HNRNPUL2: variants seen among roughly 807,000 people sequenced by gnomAD.
The protein encoded by HNRNPUL2 is heterogeneous nuclear ribonucleoprotein U like 2.
In HNRNPUL2, 27 loss-of-function variants were observed where a neutral mutation model predicts 102.2. The ratio of observed to expected loss-of-function variants is 0.26; its 90% confidence interval spans 0.19 to 0.36. The LOEUF (loss-of-function observed/expected upper bound fraction) is 0.36. HNRNPUL2 is among the 10% of genes least tolerant of loss of function. The pLI is 1.00. For synonymous variants in HNRNPUL2, 458 were observed against 387.2 expected, an observed-to-expected ratio of 1.18 and a Z score of -2.15; for missense variants, 936 against 981.1, an observed-to-expected ratio of 0.95 and a Z score of 0.61.
In HNRNPUL2 at chr11:62,726,822, T is replaced by A. The variant is rs2083754487; in HGVS notation, c.335A>T (p.Glu112Val). The A allele has an allele frequency of 6.3e-7, 1 of 1,591,792 alleles. No individual in the cohort carries two copies. Residue 112 changes from glutamate to valine, a missense_variant, in exon 1 of 14, where the codon GAG becomes GTG. Glu to Val is a moderately radical substitution (Grantham distance 121, BLOSUM62 -2). Around this residue, in one of 2 missense-constraint regions of HNRNPUL2, gnomAD observed 327 missense variants for 268.1 expected, o/e 1.22. Coordinates refer to ENST00000301785, the MANE Select transcript of HNRNPUL2 (RefSeq NM_001079559.3). Reference sequence around the variant, plus strand: ...CTCCATGGCTGCCGCCTCCGGGGGCTCCGGCGGCGGCTGCGCGGCCTGACC... The same window carrying A: ...CTCCATGGCTGCCGCCTCCGGGGGCACCGGCGGCGGCTGCGCGGCCTGACC... ...ALGQAAQPPP[E>V]PPEAAAMEAA...
intron 2 of HNRNPUL2, 68 bp from the exon 3 acceptor site, chr11:62,724,058 A>G: frequency 2.3e-6 from 3 of 1,320,132 alleles, no homozygotes; most frequent in Non-Finnish European, 3.3e-6. Context: ...GTGTGTGTGT[A>G]TGACATTATG....
chr11:62,722,821 G>C lies in HNRNPUL2; in HGVS notation c.974C>G (p.Pro325Arg). ...TAAAGAAATAACTTTACCAAGCTGTGGACGGGAAAAATCAACAGACCACCC... is the reference window on the plus strand; with the variant it reads ...TAAAGAAATAACTTTACCAAGCTGTCGACGGGAAAAATCAACAGACCACCC... ...RVGWSVDFSR[P>R]QLGEDEFSYG... Residue 325 changes from proline (P) to arginine (R), a missense_variant, in exon 5 of 14, where the codon CCA (proline) becomes CGA (arginine). Physicochemically the swap from Pro to Arg is moderately radical, Grantham distance 103. Transcript: ENST00000301785. 1 of 1,613,920 alleles carries C rather than the reference G, an allele frequency of 6.2e-7. No homozygotes were observed. Among genetic ancestry groups the C allele is most frequent in the Non-Finnish European group, 8.5e-7 (1 of 1,179,824 alleles).
Position 62,715,220 on chromosome 11 carries a change from C to G in HNRNPUL2, c.*79G>C. The G allele has an allele frequency of 1.7e-6, 1 of 581,570 alleles. No homozygotes were observed. The highest frequency in any genetic ancestry group is 2.7e-6 in the Non-Finnish European group (1 of 367,904). The allele number at this position is 581,570 out of a possible 1,614,324, so 36.0% of individuals were successfully genotyped here. ...GCCCCACCCCGACAGCCCCTGTTTT[C>G]CTTGGTTGTGTTTTGCGGGGGTGCC... is the stretch of plus-strand genomic sequence containing the variant. On this transcript the variant is annotated 3_prime_UTR_variant, in exon 14 of 14. Transcript: ENST00000301785.
chr11:62,715,849 G>T lies in HNRNPUL2; in HGVS notation c.2055+15C>A, dbSNP rs994746315. On this transcript the variant is annotated intron_variant, in intron 12 of 13. Transcript: ENST00000301785. ...CACAGCCCAGAGTGAGGAGCAGAAG[G>T]AGAGCTGCACTCACCCCTCTGTTTC... 6 of 1,611,454 alleles carry T rather than the reference G, an allele frequency of 3.7e-6. No individual in the cohort carries two copies. Among genetic ancestry groups the T allele is most frequent in the Non-Finnish European group, 4.2e-6 (5 of 1,177,810 alleles).
intron 1 of HNRNPUL2, among the ~76,000 whole-genome samples, chr11:62,724,753 G>A (rs898086350): frequency 1.3e-5 from 2 of 152,002 alleles, no homozygotes; most frequent in African/African-American, 4.8e-5. Flanking sequence ...ATATCCTCTA[G>A]GTCTCTAAGA....
At chr11:62,719,007 T>C (rs2083680982) in intron 10 of HNRNPUL2, among the ~76,000 whole-genome samples, 2 of 152,180 alleles carry the variant, frequency 1.3e-5, no homozygotes, top group South Asian at 4.1e-4. Flanking sequence ...TTTGTATTTT[T>C]AGTAGAGACA....
Position 62,727,331 on chromosome 11 carries a change from G to T in HNRNPUL2, c.-175C>A. 1.3e-6 allele frequency: 1 copy of T among 796,842 alleles called. No homozygotes were observed. Among genetic ancestry groups the T allele is most frequent in the Non-Finnish European group, 1.7e-6 (1 of 601,144 alleles). The allele number at this position is 796,842 out of a possible 1,614,324, so 49.4% of individuals were successfully genotyped here. ...AGGCCGCGCACGGTCCCGCTGCGCA[G>T]TGTTTGCTTCTCCTTCGTCTCCCCT... On this transcript the variant is annotated 5_prime_UTR_variant, in exon 1 of 14. In the 5' UTR this introduces an upstream ATG that the reference lacks. Coordinates refer to ENST00000301785, the MANE Select transcript of HNRNPUL2 (RefSeq NM_001079559.3).
At chr11:62,715,959 C>A (rs917764300) in intron 11 of HNRNPUL2, 22 bp from the exon 12 acceptor site, 1 of 1,563,524 alleles carries the variant, frequency 6.4e-7, no homozygotes, top group African/African-American at 1.4e-5. Flanking sequence ...ATGGAGAGCG[C>A]GCTCAGACAG....
Position 62,722,166 on chromosome 11 carries a change from T to C in HNRNPUL2, c.1310A>G (p.Glu437Gly). 1 of 1,614,128 alleles carries C rather than the reference T, an allele frequency of 6.2e-7. No homozygotes were observed. Among genetic ancestry groups the C allele is most frequent in the Non-Finnish European group, 8.5e-7 (1 of 1,180,026 alleles). The change falls in exon 7 of 14, where the codon GAG (glutamate) becomes GGG (glycine). Residue 437 changes from glutamate to glycine, a missense_variant. Physicochemically the swap from Glu to Gly is moderately conservative, Grantham distance 98. This residue lies in a region of HNRNPUL2 where 609 missense variants were observed against 713.0 expected (regional missense o/e 0.85). Coordinates refer to ENST00000301785, the MANE Select transcript of HNRNPUL2 (RefSeq NM_001079559.3). ...EFVFIHAVPV[E>G]ERVRTAVPPK... The stretch of plus-strand genomic sequence containing the variant: ...AGGGACTGCAGTGCGTACACGCTCC[T>C]CAACAGGCACAGCATGAATGAACAC...
intron 10 of HNRNPUL2, 104 bp downstream of exon 10, chr11:62,719,919 G>A (rs762784072): frequency 2.6e-5 from 28 of 1,096,172 alleles, no homozygotes; most frequent in Middle Eastern, 2.1e-4. Flanking sequence ...TATGCTCTTG[G>A]ACTTCCTAGC....
rs1174226379 is a variant in HNRNPUL2 at position 62,715,894 on chromosome 11, C to T, written c.2025G>A (p.Gln675=). Residue 675 remains glutamine (Q), a synonymous_variant, in exon 12 of 14, where the codon CAG becomes CAA. Coordinates refer to ENST00000301785, the MANE Select transcript of HNRNPUL2 (RefSeq NM_001079559.3). ...TGTTTCCAGGCTGCCCCCAGTACTG[C>T]TGCCCGTAGGCCCGGTTGTCGTAGC... The part of the protein sequence containing the change: ...RRGYDNRAYG[Q]QYWGQPGNRG... 5.6e-6 allele frequency: 9 copies of T among 1,613,306 alleles called. No individual in the cohort carries two copies. In the African/African-American group the frequency reaches 6.7e-5, roughly 12 times the overall value.
At chr11:62,723,523 C>G in intron 4 of HNRNPUL2, 64 bp downstream of exon 4, 1 of 1,459,106 alleles carries the variant, frequency 6.9e-7, no homozygotes, top group Non-Finnish European at 9.2e-7. Flanking sequence ...TTCTTTTCCC[C>G]CTCTAAGAAC....
rs1309767483 is a variant in HNRNPUL2 at position 62,723,629 on chromosome 11, A to G, written c.849T>C (p.Ser283=). 6.2e-7 allele frequency: 1 copy of G among 1,613,930 alleles called. No individual in the cohort carries two copies. Among genetic ancestry groups the G allele is most frequent in the Non-Finnish European group, 8.5e-7 (1 of 1,179,914 alleles). The change falls in exon 4 of 14, where the codon AGT becomes AGC. Residue 283 remains serine (S), a synonymous_variant. Coordinates refer to ENST00000301785, the MANE Select transcript of HNRNPUL2 (RefSeq NM_001079559.3). ...CTTTTCCCTTTGTCACTCCGTAAGT[A>G]CTCCTTGCCCCAGACCAAAGGGTGG... is the stretch of plus-strand genomic sequence containing the variant. The part of the protein sequence containing the change: ...KFPTLWSGAR[S]TYGVTKGKVC...
At position 62,717,018 on chromosome 11, in the gene HNRNPUL2, C is replaced by T. The variant is rs1954366333; in HGVS notation, c.1952G>A (p.Arg651Gln). Residue 651 changes from arginine to glutamine, a missense_variant, in exon 11 of 14, where the codon CGG becomes CAG. By Grantham distance (43) the Arg-to-Gln change is conservative (BLOSUM62 1). Transcript: ENST00000301785. ...GCCTTGGCCCCGGCTTCGGTTCTGC[C>T]GGTTACGCTTGTTTCGGTTGTTTCG... ...NRRNNRNKRN[R>Q]QNRSRGQGYV... The T allele has an allele frequency of 3.1e-6, 5 of 1,613,520 alleles. No individual in the cohort carries two copies. Among genetic ancestry groups the T allele is most frequent in the East Asian group, 2.2e-5 (1 of 44,878 alleles).
chr11:62,720,213 G>A lies in HNRNPUL2; in HGVS notation c.1612-22C>T, dbSNP rs779260102. ...TACACTAAGAACAGGAGGAATAACTGATGTTTAGGAAGAAAATTATCACTC... is the reference window on the plus strand; with the variant it reads ...TACACTAAGAACAGGAGGAATAACTAATGTTTAGGAAGAAAATTATCACTC... On this transcript the variant is annotated intron_variant, in intron 9 of 13. Transcript: ENST00000301785. 3.7e-6 allele frequency: 6 copies of A among 1,607,492 alleles called. No individual in the cohort carries two copies. The African/African-American group carries it at 6.7e-5, about 18-fold the overall frequency.
At position 62,715,319 on chromosome 11, in the gene HNRNPUL2, C is replaced by T. The variant is rs1316846345; in HGVS notation, c.2224G>A (p.Gly742Arg). The T allele has an allele frequency of 6.2e-7, 1 of 1,612,840 alleles. No individual in the cohort carries two copies. The highest frequency in any genetic ancestry group is 8.5e-7 in the Non-Finnish European group (1 of 1,179,612). The change falls in exon 14 of 14, where the codon GGG (glycine) becomes AGG (arginine). Residue 742 changes from glycine (G) to arginine (R), a missense_variant. Transcript: ENST00000301785. ...GGGCTTCACCGATACCCTTGGTACC[C>T]GTAGTAATTCCTGTAGTATCGGTCT... is the stretch of plus-strand genomic sequence containing the variant. ...DRDRYYRNYYGYQGYR is the reference protein window; with the variant it reads ...DRDRYYRNYYRYQGYR
At chr11:62,721,995 AT>A (rs1251151793) in intron 7 of HNRNPUL2, 53 bp from the exon 8 acceptor site, 79 of 1,609,896 alleles carry the variant, frequency 4.9e-5, no homozygotes, top group Non-Finnish European at 6.5e-5. Context: ...GGTCATGTTT[AT>A]CAAAACCAAT....
intron 10 of HNRNPUL2, among the ~76,000 whole-genome samples, chr11:62,718,071 A>G (rs1177071444): frequency 6.6e-6 from 1 of 152,152 alleles, no homozygotes; most frequent in African/African-American, 2.4e-5. Context: ...GGCATAGTTC[A>G]TTCTCAGTAA....
intron 1 of HNRNPUL2, 73 bp downstream of exon 1, chr11:62,726,546 C>A (rs1189957063): frequency 2.2e-6 from 3 of 1,381,814 alleles, no homozygotes; most frequent in East Asian, 2.6e-5. Flanking sequence ...TCGGACCCTG[C>A]GGTGCAGGGC....
Sources: gnomAD v4.1 joint callset for allele counts (sites outside exome capture counted in the v4.1 genomes callset) on GRCh38, gnomAD v4.1.1 for gene constraint, gnomAD v4.1.1 regional missense constraint, MANE v1.5 for transcripts, NCBI Gene and HGNC (gene_info 2026-07-23, HGNC 2026-07-21) for gene names.